Variants in HDAC9 observed in about 807,000 individuals in gnomAD.
HDAC9 encodes the protein histone deacetylase 9, also known as MEF-2 interacting transcription repressor (MITR) protein.
A neutral mutation model predicts 139.4 loss-of-function variants in HDAC9; 41 were observed. That is an observed-to-expected ratio of 0.29 (90% CI 0.23 to 0.38). The LOEUF is 0.38. HDAC9 is among the 10% of genes least tolerant of loss of function. HDAC9 has a pLI of 1.00. For synonymous variants in HDAC9, 517 were observed against 476.2 expected (o/e 1.09, Z -1.12); for missense variants, 1,147 against 1,297.0 (o/e 0.88, Z 1.78).
intron 1 of HDAC9, among the ~76,000 whole-genome samples, chr7:18,446,874 A>G (rs920777293): frequency 5.3e-5 from 8 of 152,346 alleles, no homozygotes; most frequent in South Asian, 2.1e-4. Flanking sequence ...TAAGTGTAAC[A>G]TGATTAATTT....
At chr7:18,838,737 G>A (rs1796396583) in intron 21 of HDAC9, among the ~76,000 whole-genome samples, 1 of 151,928 alleles carries the variant, frequency 6.6e-6, no homozygotes, top group African/African-American at 2.4e-5. Flanking sequence ...GGAAATGGAG[G>A]TGGGGGAAAG....
intron 1 of HDAC9, among the ~76,000 whole-genome samples, chr7:18,409,630 A>AT (rs796159182): frequency 2.6e-5 from 4 of 152,270 alleles, no homozygotes; most frequent in Admixed American, 1.3e-4. Flanking sequence ...TGTTTGCTTA[A>AT]TTTTACTTAC....
intron 1 of HDAC9, among the ~76,000 whole-genome samples, chr7:18,422,098 A>C (rs1314433405): frequency 6.6e-6 from 1 of 152,172 alleles, no homozygotes; most frequent in African/African-American, 2.4e-5. Context: ...TATAAAGAGG[A>C]CATATTCTCA....
intron 1 of HDAC9, among the ~76,000 whole-genome samples, chr7:18,349,674 G>C (rs921571557): frequency 3.3e-5 from 5 of 149,956 alleles, no homozygotes; most frequent in African/African-American, 1.2e-4. Context: ...TATTGTCTTT[G>C]TTAAGTATAC....
intron 1 of HDAC9, among the ~76,000 whole-genome samples, chr7:18,435,029 G>A (rs1318078549): frequency 1.1e-5 from 1 of 93,030 alleles, no homozygotes; most frequent in African/African-American, 4.2e-5. Flanking sequence ...AGAAAATATT[G>A]TATCTATACC....
chr7:18,690,837 A>T (rs888079391), intron 12 of HDAC9, among the ~76,000 whole-genome samples: 1 of 152,038 alleles, frequency 6.6e-6, no homozygotes, highest in Non-Finnish European at 1.5e-5. Context: ...TAAAAGATAT[A>T]TTAGATTTGA....
intron 2 of HDAC9, among the ~76,000 whole-genome samples, chr7:18,252,490 G>A (rs1794978008): frequency 6.6e-6 from 1 of 151,978 alleles, no homozygotes; most frequent in Admixed American, 6.6e-5. Context: ...CATACCCTAA[G>A]GTGCATGAAA....
intron 2 of HDAC9, among the ~76,000 whole-genome samples, chr7:18,245,896 A>T (rs868674813): frequency 6.6e-6 from 1 of 151,828 alleles, no homozygotes; most frequent in South Asian, 2.1e-4. Flanking sequence ...AATCAGGCTT[A>T]ATGTTTCCAG....
At chr7:18,227,192 AT>A (rs1793113698) in intron 2 of HDAC9, among the ~76,000 whole-genome samples, 2 of 152,204 alleles carry the variant, frequency 1.3e-5, no homozygotes, top group South Asian at 4.1e-4. Context: ...GTAGCCATAA[AT>A]TTAATTAGCC....
intron 1 of HDAC9, among the ~76,000 whole-genome samples, chr7:18,305,677 A>G (rs1798858068): frequency 6.6e-6 from 1 of 151,930 alleles, no homozygotes; most frequent in African/African-American, 2.4e-5. Context: ...ACCCTTGTAG[A>G]GCACACAAAG....
At chr7:18,363,206 T>C (rs1441437112) in intron 1 of HDAC9, among the ~76,000 whole-genome samples, 2 of 152,188 alleles carry the variant, frequency 1.3e-5, no homozygotes, top group Non-Finnish European at 2.9e-5. Context: ...GGCTTTTATT[T>C]TCACCACGGT....
At chr7:18,127,828 GATTATT>G (rs1024404467) in intron 1 of HDAC9, among the ~76,000 whole-genome samples, 2 of 151,892 alleles carry the variant, frequency 1.3e-5, no homozygotes, top group African/African-American at 2.4e-5. Flanking sequence ...TCTAAAATTT[GATTATT>G]ATTATTATTC....
Position 18,249,521 on chromosome 7 carries a change from AAAC to A in HDAC9, c.25+87175_25+87177del, listed in dbSNP as rs201316084. Among the ~76,000 whole-genome samples, 626 of 66,414 alleles carry A rather than the reference AAAC, an allele frequency of 9.4e-3. 58 individuals carry two copies. Among genetic ancestry groups the A allele is most frequent in the Admixed American group, 0.048 (209 of 4,340 alleles). 43.6% of individuals were successfully genotyped at this position (66,414 alleles called of 152,430 possible). A position where few individuals can be genotyped will look rare whatever the true frequency, so the allele number is the denominator to read the frequency against. ...CTGTCTCAAAAAAAAAAAAAAAAAAAAACAAAAAAAAAACTTTCTGAACAGATC... is the reference window on the plus strand; with the variant it reads ...CTGTCTCAAAAAAAAAAAAAAAAAAAAAAAAAAAAACTTTCTGAACAGATC... On this transcript the variant is annotated intron_variant, in intron 2 of 12. Coordinates refer to the HDAC9 transcript ENST00000417496.
At chr7:18,586,967 G>A (rs1829651398) in intron 3 of HDAC9, among the ~76,000 whole-genome samples, 3 of 151,990 alleles carry the variant, frequency 2.0e-5, no homozygotes, top group African/African-American at 7.2e-5. Context: ...TTTCCTTCCA[G>A]CATGTTAAGA....
At chr7:18,698,336 C>A (rs1293236129) in intron 12 of HDAC9, among the ~76,000 whole-genome samples, 1 of 152,160 alleles carries the variant, frequency 6.6e-6, no homozygotes, top group Admixed American at 6.5e-5. Context: ...AGTTCTGTTT[C>A]CTCCTTTGGT....
chr7:18,626,520 C>G (rs1368619782), intron 6 of HDAC9, among the ~76,000 whole-genome samples: 1 of 152,154 alleles, frequency 6.6e-6, no homozygotes, highest in African/African-American at 2.4e-5. Flanking sequence ...AGTAATTCAT[C>G]CAGGCATCTA....
chr7:18,289,319 A>C (rs183856339), upstream of HDAC9, among the ~76,000 whole-genome samples: 1 of 152,280 alleles, frequency 6.6e-6, no homozygotes, highest in Non-Finnish European at 1.5e-5. Context: ...TGGAAAATAA[A>C]TTCAATAAGT....
chr7:18,296,279 A>C (rs1177610076), intron 1 of HDAC9, among the ~76,000 whole-genome samples: 6 of 152,160 alleles, frequency 3.9e-5, no homozygotes, highest in Non-Finnish European at 7.4e-5. Flanking sequence ...TCCTATGCTG[A>C]AGTGCATTTT....
intron 1 of HDAC9, among the ~76,000 whole-genome samples, chr7:18,418,781 T>G (rs2128750608): frequency 6.6e-6 from 1 of 152,266 alleles, no homozygotes; most frequent in Non-Finnish European, 1.5e-5. Flanking sequence ...TTTTTTTTCT[T>G]TTCATTCATT....
Sources: gnomAD v4.1 joint callset for allele counts (sites outside exome capture counted in the v4.1 genomes callset) on GRCh38, gnomAD v4.1.1 for gene constraint, MANE v1.5 for transcripts, NCBI Gene and HGNC (gene_info 2026-07-23, HGNC 2026-07-21) for gene names.